The following ZEB1 variants were observed in gnomAD, a reference collection of about 807,000 sequenced individuals.
ZEB1 encodes zinc finger E-box binding homeobox 1.
Under a neutral mutation model 84.9 loss-of-function variants are expected in ZEB1, and 21 were observed. The observed-to-expected ratio is 0.25, with a 90% confidence interval of 0.18 to 0.36. ZEB1 has a LOEUF of 0.36. Ranked by LOEUF, ZEB1 falls within the 10% of genes least tolerant of loss-of-function variation. The pLI, the probability that ZEB1 is intolerant of heterozygous loss-of-function variation, is 1.00. For synonymous variants in ZEB1, 420 were observed against 471.1 expected, an observed-to-expected ratio of 0.89 and a Z score of 1.41; for missense variants, 1,104 against 1,330.2, an observed-to-expected ratio of 0.83 and a Z score of 2.65.
At chr10:31,428,577 A>G (rs1215471453) in intron 1 of ZEB1, among the ~76,000 whole-genome samples, 2 of 152,200 alleles carry the variant, frequency 1.3e-5, no homozygotes, top group South Asian at 2.1e-4. Flanking sequence ...TATCAGGTCC[A>G]TTTGATCCAG....
intron 2 of ZEB1, among the ~76,000 whole-genome samples, chr10:31,492,028 A>G (rs1439919909): frequency 6.6e-6 from 1 of 151,892 alleles, no homozygotes; most frequent in Admixed American, 6.6e-5. Flanking sequence ...TTAGCAGGGA[A>G]TAGGGTAGGA....
chr10:31,351,384 A>G (rs1344552746), intron 1 of ZEB1, among the ~76,000 whole-genome samples: 1 of 152,146 alleles, frequency 6.6e-6, no homozygotes, highest in East Asian at 1.9e-4. Context: ...ATGCTTTTTT[A>G]CTAGACTAAA....
chr10:31,342,247 T>C (rs2039514566), intron 1 of ZEB1, among the ~76,000 whole-genome samples: 1 of 152,136 alleles, frequency 6.6e-6, no homozygotes. Flanking sequence ...TTTACAGATA[T>C]GGAAACCGGG....
intron 1 of ZEB1, among the ~76,000 whole-genome samples, chr10:31,404,238 A>G (rs1419892164): frequency 2.0e-5 from 3 of 150,824 alleles, no homozygotes; most frequent in African/African-American, 7.4e-5. Context: ...TTTAACTCTT[A>G]AAGTCTGTGC....
chr10:31,344,510 A>G (rs1448533078), intron 1 of ZEB1, among the ~76,000 whole-genome samples: 1 of 152,148 alleles, frequency 6.6e-6, no homozygotes, highest in African/African-American at 2.4e-5. Flanking sequence ...ATCTGTTAGA[A>G]AATTAGTAAT....
intron 4 of ZEB1, among the ~76,000 whole-genome samples, chr10:31,507,712 C>G (rs1323957120): frequency 6.6e-6 from 1 of 151,936 alleles, no homozygotes; most frequent in African/African-American, 2.4e-5. Flanking sequence ...TGGTAAATTT[C>G]TCATTCATAT....
chr10:31,467,619 C>T (rs2062605464), intron 2 of ZEB1, among the ~76,000 whole-genome samples: 2 of 152,132 alleles, frequency 1.3e-5, no homozygotes, highest in African/African-American at 2.4e-5. Flanking sequence ...AGTGGTTGAT[C>T]CTAAGGAGCC....
chr10:31,363,122 T>G lies in ZEB1; in HGVS notation c.58+43830T>G, dbSNP rs1455386452. ...GCAGCTCTGGGTGGAGAAGACCTAC[T>G]TGATCCAAGAGCTGCAGGATCCTTG... On this transcript the variant is annotated intron_variant, in intron 1 of 8. Coordinates refer to ENST00000424869, the MANE Select transcript of ZEB1 (RefSeq NM_001174096.2). 5 of 1,533,872 alleles carry G rather than the reference T, an allele frequency of 3.3e-6. No individual in the cohort carries two copies. The East Asian group carries it at 1.2e-4, about 37-fold the overall frequency.
At chr10:31,464,507 C>G (rs2062160277) in intron 2 of ZEB1, among the ~76,000 whole-genome samples, 2 of 152,118 alleles carry the variant, frequency 1.3e-5, no homozygotes, top group African/African-American at 4.8e-5. Context: ...AAACACCATA[C>G]TACAGATTCA....
intron 2 of ZEB1, among the ~76,000 whole-genome samples, chr10:31,478,135 C>T (rs898947463): frequency 2.0e-5 from 3 of 151,882 alleles, no homozygotes; most frequent in Non-Finnish European, 4.4e-5. Flanking sequence ...TATCCAGAAT[C>T]TACAATGAAC....
intron 1 of ZEB1, among the ~76,000 whole-genome samples, chr10:31,335,107 AC>A (rs1255806497): frequency 1.3e-5 from 2 of 152,090 alleles, no homozygotes; most frequent in African/African-American, 2.4e-5. Context: ...ACATGGTAGT[AC>A]CCCCTTATCC....
chr10:31,381,984 C>G (rs1026471907), intron 1 of ZEB1, among the ~76,000 whole-genome samples: 1 of 123,262 alleles, frequency 8.1e-6, no homozygotes, highest in Non-Finnish European at 1.6e-5. Context: ...GCACTCCAGA[C>G]TGGGCGACAG....
intron 2 of ZEB1, among the ~76,000 whole-genome samples, chr10:31,474,387 A>C (rs571346879): frequency 6.6e-6 from 1 of 152,272 alleles, no homozygotes; most frequent in South Asian, 2.1e-4. Context: ...AGCCCCATCA[A>C]AAAGTGGGCA....
At chr10:31,328,847 C>G (rs967662106) in intron 1 of ZEB1, among the ~76,000 whole-genome samples, 5 of 152,188 alleles carry the variant, frequency 3.3e-5, no homozygotes, top group African/African-American at 9.6e-5. Flanking sequence ...GCTGTGCATT[C>G]TATATTTGAA....
intron 1 of ZEB1, among the ~76,000 whole-genome samples, chr10:31,399,524 A>G (rs1590847597): frequency 6.6e-6 from 1 of 152,130 alleles, no homozygotes. Context: ...TCTGAGATTC[A>G]GTTATTGCTT....
At chr10:31,440,083 C>A (rs1362057488) in intron 1 of ZEB1, among the ~76,000 whole-genome samples, 2 of 152,054 alleles carry the variant, frequency 1.3e-5, no homozygotes, top group Non-Finnish European at 2.9e-5. Flanking sequence ...GTGGTCAGAT[C>A]TTGAATATAT....
chr10:31,444,734 C>T (rs896422714), intron 1 of ZEB1, among the ~76,000 whole-genome samples: 14 of 151,862 alleles, frequency 9.2e-5, no homozygotes, highest in Non-Finnish European at 1.3e-4. Context: ...AGGTATGCGG[C>T]GTTATTTCTG....
chr10:31,373,374 A>C (rs1054781763), intron 1 of ZEB1, among the ~76,000 whole-genome samples: 11 of 151,906 alleles, frequency 7.2e-5, no homozygotes, highest in Admixed American at 7.2e-4. Flanking sequence ...TACATACTTA[A>C]TGTTGATAAA....
intron 1 of ZEB1, chr10:31,387,684 T>C (rs919532473): frequency 1.8e-5 from 16 of 897,376 alleles, no homozygotes; most frequent in African/African-American, 1.8e-5. Flanking sequence ...TTACTTTTCA[T>C]GATCTTTTTG....
Sources: allele counts gnomAD v4.1 joint callset (sites outside exome capture counted in the v4.1 genomes callset), GRCh38; gene constraint gnomAD v4.1.1; transcripts MANE v1.5; gene names NCBI Gene and HGNC (gene_info 2026-07-23, HGNC 2026-07-21).